STK32C: variants seen among roughly 807,000 people sequenced by gnomAD.
STK32C encodes serine/threonine kinase 32C.
In STK32C, 31 loss-of-function variants were observed where a neutral mutation model predicts 56.5. The ratio of observed to expected loss-of-function variants is 0.55; its 90% CI spans 0.41 to 0.74. STK32C has a LOEUF of 0.74. STK32C is among the 30% of genes least tolerant of loss of function. The pLI is 0.00. For missense variants in STK32C, 544 were observed against 676.9 expected (o/e 0.80, Z 2.18); for synonymous variants, 309 against 289.4 (o/e 1.07, Z -0.69).
chr10:132,254,021 C>A (rs947930436), intron 1 of STK32C, among the ~76,000 whole-genome samples: 3 of 152,198 alleles, frequency 2.0e-5, no homozygotes, highest in African/African-American at 7.2e-5. Context: ...AAAACCTAGT[C>A]TTTTCAGGCA....
chr10:132,302,640 A>AC lies in STK32C; in HGVS notation c.262+4931_262+4932insG, dbSNP rs556717494. Among the ~76,000 whole-genome samples the AC allele has an allele frequency of 6.2e-3, 945 of 152,254 alleles. 8 individuals carry two copies. Among genetic ancestry groups the AC allele is most frequent in the African/African-American group, 0.022 (899 of 41,516 alleles). On this transcript the variant is annotated intron_variant, in intron 1 of 11. Transcript: ENST00000298630. ...GGATGGGTGTCTGGGCCACACAGAGAGCCCCCACCCCTTGCCTCACAGGGT... is the reference window on the plus strand; with the variant it reads ...GGATGGGTGTCTGGGCCACACAGAGACGCCCCCACCCCTTGCCTCACAGGGT...
intron 1 of STK32C, among the ~76,000 whole-genome samples, chr10:132,262,450 G>A (rs1186817689): frequency 1.3e-5 from 2 of 152,092 alleles, no homozygotes; most frequent in African/African-American, 2.4e-5. Context: ...ACCTAATTAA[G>A]CTAAAGAGCT....
chr10:132,313,028 A>C (rs1319747446), intron 1 of STK32C, among the ~76,000 whole-genome samples: 1 of 152,256 alleles, frequency 6.6e-6, no homozygotes, highest in African/African-American at 2.4e-5. Flanking sequence ...CGACAGAGCG[A>C]GACTCTGTCT....
At chr10:132,304,584 G>A (rs1027803418) in intron 1 of STK32C, among the ~76,000 whole-genome samples, 1 of 152,228 alleles carries the variant, frequency 6.6e-6, no homozygotes, top group African/African-American at 2.4e-5. Context: ...CTCCACGGCT[G>A]TACCTGGGAC....
chr10:132,241,807 T>G (rs1053841809), intron 2 of STK32C, among the ~76,000 whole-genome samples: 5 of 152,206 alleles, frequency 3.3e-5, no homozygotes, highest in African/African-American at 1.2e-4. Context: ...GCCCGCCAAC[T>G]TAAAAGTGCT....
In STK32C at chr10:132,244,112, C is replaced by G. The variant is rs186984850; in HGVS notation, c.318+1788G>C. ...TGGCCAGTGAAAGAGCTGGAAGGAC[C>G]CCTCCAGGTCAGTGACAGGCCTCAC... On this transcript the variant is annotated intron_variant, in intron 2 of 11. Coordinates refer to ENST00000298630, the MANE Select transcript of STK32C (RefSeq NM_173575.4). Among the ~76,000 whole-genome samples, 140 of 152,298 alleles carry G rather than the reference C, an allele frequency of 9.2e-4. 1 individual carries two copies. The highest frequency in any genetic ancestry group is 7.3e-3 in the South Asian group (35 of 4,824).
At chr10:132,304,267 T>G (rs2065993815) in intron 1 of STK32C, among the ~76,000 whole-genome samples, 1 of 152,098 alleles carries the variant, frequency 6.6e-6, no homozygotes, top group Non-Finnish European at 1.5e-5. Flanking sequence ...CAGCCTCGAC[T>G]GCTGGTAAAA....
intron 1 of STK32C, among the ~76,000 whole-genome samples, chr10:132,293,768 G>A (rs2065644833): frequency 6.6e-6 from 1 of 152,166 alleles, no homozygotes; most frequent in Non-Finnish European, 1.5e-5. Flanking sequence ...GGGAGGTCCA[G>A]CAGACTGGGC....
chr10:132,277,190 CGT>C (rs1284561041), intron 1 of STK32C, among the ~76,000 whole-genome samples: 1 of 152,228 alleles, frequency 6.6e-6, no homozygotes, highest in African/African-American at 2.4e-5. Context: ...TTCTGGGCTG[CGT>C]GTCTTGGCCA....
At chr10:132,332,050 A>AC (rs1352160996), upstream of STK32C, 8 of 249,662 alleles carry the variant, frequency 3.2e-5, no homozygotes, top group Non-Finnish European at 6.1e-5. Flanking sequence ...GCAGGCACAA[A>AC]CCCCCACAAC....
intron 1 of STK32C, among the ~76,000 whole-genome samples, chr10:132,314,689 C>T (rs528259300): frequency 6.6e-6 from 1 of 152,224 alleles, no homozygotes; most frequent in South Asian, 2.1e-4. Flanking sequence ...AAAAGATATA[C>T]CATGCAAATA....
At chr10:132,290,020 T>C (rs986144106) in intron 1 of STK32C, among the ~76,000 whole-genome samples, 1 of 152,226 alleles carries the variant, frequency 6.6e-6, no homozygotes, top group Admixed American at 6.5e-5. Flanking sequence ...CATAATTTTC[T>C]TGAAAACCGT....
At chr10:132,314,994 C>T (rs944973754) in intron 1 of STK32C, among the ~76,000 whole-genome samples, 12 of 152,094 alleles carry the variant, frequency 7.9e-5, no homozygotes, top group African/African-American at 2.7e-4. Context: ...ATTAGCCAGG[C>T]GTGGTGGCGC....
At chr10:132,246,161 C>A in intron 1 of STK32C, among the ~76,000 whole-genome samples, 1 of 152,230 alleles carries the variant, frequency 6.6e-6, no homozygotes, top group East Asian at 1.9e-4. Flanking sequence ...GGCCTTGGGT[C>A]TTGCACGTCC....
upstream of STK32C, among the ~76,000 whole-genome samples, chr10:132,311,443 G>A (rs530340336): frequency 2.6e-5 from 4 of 152,360 alleles, no homozygotes; most frequent in Admixed American, 6.5e-5. This position sits in a 1 kb window ranked among gnomAD's most constrained non-coding sequence, Gnocchi z 4.4. Flanking sequence ...CAGCCCTGGC[G>A]GGGCCTGGGA....
At chr10:132,324,100 T>C (rs1590513934) in exon 2 of STK32C, 2 of 625,592 alleles carry the variant, frequency 3.2e-6, no homozygotes, top group East Asian at 2.7e-5. Flanking sequence ...TTCCAGCATA[T>C]GAATTCCAGG....
Position 132,296,416 on chromosome 10 carries a change from G to A in STK32C, c.262+11156C>T, listed in dbSNP as rs149029657. ...TCCTCTAGTTACGACAAATGTACCC[G>A]GTTAATGCCAGACGGTGACGTAAGG... On this transcript the variant is annotated intron_variant, in intron 1 of 11. Transcript: ENST00000298630. 1.8e-4 allele frequency among the ~76,000 whole-genome samples: 28 copies of A among 152,094 alleles called. 1 individual carries two copies. The East Asian group carries it at 5.0e-3, about 27-fold the overall frequency.
intron 2 of STK32C, among the ~76,000 whole-genome samples, chr10:132,229,374 G>A (rs1439749041): frequency 5.9e-5 from 9 of 152,178 alleles, no homozygotes; most frequent in East Asian, 1.9e-4. Flanking sequence ...GCACACACCC[G>A]TAGTCCCAGC....
intron 1 of STK32C, among the ~76,000 whole-genome samples, chr10:132,260,539 G>C (rs765990001): frequency 1.3e-5 from 2 of 152,228 alleles, no homozygotes; most frequent in Admixed American, 6.5e-5. Context: ...GTCGGGTCCT[G>C]GGTGTTGCAG....
Sources: gnomAD v4.1 joint callset for allele counts (sites outside exome capture counted in the v4.1 genomes callset) on GRCh38, gnomAD v4.1.1 for gene constraint, Gnocchi (gnomAD v3.1) non-coding constraint, MANE v1.5 for transcripts, NCBI Gene and HGNC (gene_info 2026-07-23, HGNC 2026-07-21) for gene names.